GPR171: variants seen among roughly 807,000 people sequenced by gnomAD.
GPR171 encodes G protein-coupled receptor 171.
A neutral mutation model predicts 16.7 loss-of-function variants in GPR171; 14 were observed. The observed-to-expected ratio is 0.84, with a 90% CI of 0.55 to 1.31. GPR171 has a LOEUF of 1.31. Ranked by LOEUF, GPR171 falls within the 40% of genes most tolerant of loss-of-function variation. The pLI, the probability that GPR171 is intolerant of heterozygous loss-of-function variation, is 0.00. For missense variants in GPR171, 337 were observed against 378.9 expected, an observed-to-expected ratio of 0.89 and a Z score of 0.92; for synonymous variants, 134 against 135.6, an observed-to-expected ratio of 0.99 and a Z score of 0.08.
Position 151,198,300 on chromosome 3 carries a change from A to C in GPR171, c.*127T>G. The C allele has an allele frequency of 4.5e-6, 3 of 666,216 alleles. No homozygotes were observed. Among genetic ancestry groups the C allele is most frequent in the Non-Finnish European group, 7.0e-6 (3 of 426,628 alleles). The allele number at this position is 666,216 out of a possible 1,614,324, so 41.3% of individuals were successfully genotyped here. A position where few individuals can be genotyped will look rare whatever the true frequency, so the allele number is the denominator to read the frequency against. ...AGGATTTCTAAGTAAACCTGTCCATATTTGCTAGCTAACTGTATTTTTTCA... is the reference window on the plus strand; with the variant it reads ...AGGATTTCTAAGTAAACCTGTCCATCTTTGCTAGCTAACTGTATTTTTTCA... On this transcript the variant is annotated 3_prime_UTR_variant, in exon 3 of 3. Transcript: ENST00000309180.
At chr3:151,201,963 A>G (rs1340472610) in intron 1 of GPR171, among the ~76,000 whole-genome samples, 1 of 152,236 alleles carries the variant, frequency 6.6e-6, no homozygotes, top group East Asian at 1.9e-4. Context: ...TGAGACGTAT[A>G]TGGTAAAGAG....
Position 151,198,202 on chromosome 3 carries a change from G to GT in GPR171, c.*224dup, listed in dbSNP as rs1724938545. 7.6e-6 allele frequency: 3 copies of GT among 395,736 alleles called. No individual in the cohort carries two copies. The highest frequency in any genetic ancestry group is 4.5e-6 in the Non-Finnish European group (1 of 223,042). 24.5% of individuals were successfully genotyped at this position (395,736 alleles called of 1,614,324 possible). A position where few individuals can be genotyped will look rare whatever the true frequency, so the allele number is the denominator to read the frequency against. On this transcript the variant is annotated 3_prime_UTR_variant, in exon 3 of 3. Transcript: ENST00000309180. ...TACATTCGTTCAATGAGACTCTTTA[G>GT]TTTTTTGTACAAATATTTGGGTTAA...
chr3:151,200,221 C>T (rs3773616), intron 2 of GPR171, among the ~76,000 whole-genome samples: 6,339 of 152,166 alleles, frequency 0.042, 167 homozygotes, highest in Middle Eastern at 0.085. Flanking sequence ...CATGTCCCTC[C>T]CAAATCTGGA....
intron 2 of GPR171, among the ~76,000 whole-genome samples, chr3:151,200,675 C>T (rs1344513778): frequency 6.6e-6 from 1 of 152,062 alleles, no homozygotes; most frequent in Admixed American, 6.5e-5. Context: ...TCAAGTGCTG[C>T]TTAAAGGCTA....
In GPR171 at chr3:151,198,235, C is replaced by A. The variant is rs1388657549; in HGVS notation, c.*192G>T. Reference sequence around the variant, plus strand: ...TACAAATATTTGGGTTAATGAGTAGCAGCAAGCCTAACAATAAAGCTTGAC... The same window carrying A: ...TACAAATATTTGGGTTAATGAGTAGAAGCAAGCCTAACAATAAAGCTTGAC... On this transcript the variant is annotated 3_prime_UTR_variant, in exon 3 of 3. Transcript: ENST00000309180. 4.2e-6 allele frequency: 2 copies of A among 478,782 alleles called. No homozygotes were observed. Among genetic ancestry groups the A allele is most frequent in the African/African-American group, 2.0e-5 (1 of 51,192 alleles). The allele number at this position is 478,782 out of a possible 1,614,324, so 29.7% of individuals were successfully genotyped here.
Position 151,199,437 on chromosome 3 carries a change from ACT to A in GPR171, c.-53_-52del, listed in dbSNP as rs1185229544. The A allele has an allele frequency of 4.0e-6, 6 of 1,493,294 alleles. No homozygotes were observed. Among genetic ancestry groups the A allele is most frequent in the African/African-American group, 1.4e-5 (1 of 70,934 alleles). 92.5% of individuals were successfully genotyped at this position (1,493,294 alleles called of 1,614,324 possible). Reference sequence around the variant, plus strand: ...TTATTGAAAAGAAAAAATTTCTAAGACTCTGTAAAAGAAACAAGGAAAGGGAG... The same window carrying A: ...TTATTGAAAAGAAAAAATTTCTAAGACTGTAAAAGAAACAAGGAAAGGGAG... On this transcript the variant is annotated splice_region_variant and 5_prime_UTR_variant, in exon 3 of 3. Coordinates refer to ENST00000309180, the MANE Select transcript of GPR171 (RefSeq NM_013308.4).
chr3:151,199,520 C>T, intron 2 of GPR171, 81 bp from the exon 3 acceptor site: 1 of 727,600 alleles, frequency 1.4e-6, no homozygotes, highest in Non-Finnish European at 2.2e-6. Flanking sequence ...CTTCACAATA[C>T]CGTTGTCTTT....
intron 2 of GPR171, 24 bp from the exon 3 acceptor site, chr3:151,199,463 A>T (rs1200628154): frequency 2.8e-5 from 35 of 1,263,422 alleles, no homozygotes; most frequent in Non-Finnish European, 3.7e-5. Flanking sequence ...AAGGAAAGGG[A>T]GGTTAGTAAT....
chr3:151,203,009 G>T (rs1271820194), intron 1 of GPR171, 95 bp downstream of exon 1: 5 of 151,126 alleles, frequency 3.3e-5, no homozygotes, highest in African/African-American at 9.8e-5. Flanking sequence ...ATACAGCTTG[G>T]CTTTTTCTAC....
rs868342156 is a variant in GPR171, at chr3:151,198,696, C to T, written c.691G>A (p.Gly231Ser). 1.9e-6 allele frequency: 3 copies of T among 1,613,980 alleles called. No homozygotes were observed. The highest frequency in any genetic ancestry group is 2.5e-6 in the Non-Finnish European group (3 of 1,179,912). Reference sequence around the variant, plus strand: ...TAAGGAACAAAGCATATGATGTAGCCCGTGGTCACTAAAAGTATGTTGATG... The same window carrying T: ...TAAGGAACAAAGCATATGATGTAGCTCGTGGTCACTAAAAGTATGTTGATG... ...ALINILLVTT[G>S]YIICFVPYHI... Residue 231 changes from glycine to serine, a missense_variant, in exon 3 of 3, where the codon GGC becomes AGC. Transcript: ENST00000309180.
At position 151,198,436 on chromosome 3, in the gene GPR171, A is replaced by G. The variant is rs561174290; in HGVS notation, c.951T>C (p.Asn317=). The change falls in exon 3 of 3, where the codon AAT becomes AAC. Residue 317 remains asparagine, a synonymous_variant. Coordinates refer to ENST00000309180, the MANE Select transcript of GPR171 (RefSeq NM_013308.4). ...KAQKEKLRCE[N]NA Reference sequence around the variant, plus strand: ...CAAAAAATCCTGTCTTTTATGCATTATTTTCACATCTTAATTTTTCTTTCT... The same window carrying G: ...CAAAAAATCCTGTCTTTTATGCATTGTTTTCACATCTTAATTTTTCTTTCT... The G allele has an allele frequency of 6.2e-7, 1 of 1,601,298 alleles. No homozygotes were observed. The highest frequency in any genetic ancestry group is 1.1e-5 in the South Asian group (1 of 90,386).
At chr3:151,202,223 C>T (rs761800876) in intron 1 of GPR171, among the ~76,000 whole-genome samples, 5 of 152,210 alleles carry the variant, frequency 3.3e-5, no homozygotes, top group African/African-American at 4.8e-5. Context: ...ATCCTGTGTT[C>T]TGTGTCACAA....
At chr3:151,199,752 T>A (rs1295065965) in intron 2 of GPR171, among the ~76,000 whole-genome samples, 1 of 152,092 alleles carries the variant, frequency 6.6e-6, no homozygotes, top group Non-Finnish European at 1.5e-5. Flanking sequence ...AGGAGATAAG[T>A]GAACCGAGAT....
rs766785001 is a variant in GPR171 at position 151,199,256 on chromosome 3, G to A, written c.131C>T (p.Thr44Met). ...GTAGATGCTCACACACCTGTGATTC[G>A]TATTCTTCTGTATAAAAGCCCAGGT... ...FATWAFIQKN[T>M]NHRCVSIYLI... Residue 44 changes from threonine (T) to methionine (M), a missense_variant, in exon 3 of 3, where the codon ACG becomes ATG. Coordinates refer to ENST00000309180, the MANE Select transcript of GPR171 (RefSeq NM_013308.4). The A allele has an allele frequency of 2.5e-6, 4 of 1,613,832 alleles. No homozygotes were observed. Among genetic ancestry groups the A allele is most frequent in the South Asian group, 2.2e-5 (2 of 91,072 alleles).
chr3:151,201,244 C>CTG (rs1725540739), intron 1 of GPR171, among the ~76,000 whole-genome samples: 1 of 152,132 alleles, frequency 6.6e-6, no homozygotes, highest in Non-Finnish European at 1.5e-5. Context: ...CTCTCTCTCT[C>CTG]TCACACGCAC....
chr3:151,198,350 T>G lies in GPR171; in HGVS notation c.*77A>C. Reference sequence around the variant, plus strand: ...ATACTGAGTTTTTTTTTGTTTTTTTTTTTTTTATCTTTCAAAGCTATAATT... The same window carrying G: ...ATACTGAGTTTTTTTTTGTTTTTTTGTTTTTTATCTTTCAAAGCTATAATT... On this transcript the variant is annotated 3_prime_UTR_variant, in exon 3 of 3. Coordinates refer to ENST00000309180, the MANE Select transcript of GPR171 (RefSeq NM_013308.4). The G allele has an allele frequency of 7.3e-6, 8 of 1,093,214 alleles. No homozygotes were observed. The highest frequency in any genetic ancestry group is 2.7e-5 in the Admixed American group (1 of 36,830). The allele number at this position is 1,093,214 out of a possible 1,614,324, so 67.7% of individuals were successfully genotyped here.
Position 151,198,567 on chromosome 3 carries a change from C to G in GPR171, c.820G>C (p.Ala274Pro). ...GGATCAAAGCACAGGTTCGACACAG[C>G]CAGGAGCAGTGTAGCCTCTTTGGCT... is the stretch of plus-strand genomic sequence containing the variant. ...FKAKEATLLL[A>P]VSNLCFDPIL... The change falls in exon 3 of 3, where the codon GCT (alanine) becomes CCT (proline). Residue 274 changes from alanine to proline, a missense_variant. Ala to Pro is a conservative substitution (Grantham distance 27). Transcript: ENST00000309180. The G allele has an allele frequency of 6.2e-7, 1 of 1,614,028 alleles. No homozygotes were observed. The highest frequency in any genetic ancestry group is 1.3e-5 in the African/African-American group (1 of 75,020).
Position 151,198,737 on chromosome 3 carries a change from T to C in GPR171, c.650A>G (p.Asn217Ser). The C allele has an allele frequency of 3.7e-6, 6 of 1,613,298 alleles. No homozygotes were observed. The highest frequency in any genetic ancestry group is 5.1e-6 in the Non-Finnish European group (6 of 1,179,198). Reference protein sequence around the residue: ...YRNKDNENYPNVKKALINILL... With the variant: ...YRNKDNENYPSVKKALINILL... ...TATGTTGATGAGAGCCTTTTTCACA[T>C]TTGGGTAATTTTCATTATCTTTGTT... Residue 217 changes from asparagine to serine, a missense_variant, in exon 3 of 3, where the codon AAT becomes AGT. By Grantham distance (46) the Asn-to-Ser change is conservative (BLOSUM62 1). Coordinates refer to ENST00000309180, the MANE Select transcript of GPR171 (RefSeq NM_013308.4).
Position 151,199,301 on chromosome 3 carries a change from A to G in GPR171, c.86T>C (p.Ile29Thr), listed in dbSNP as rs750456669. Residue 29 changes from isoleucine to threonine, a missense_variant, in exon 3 of 3, where the codon ATT (isoleucine) becomes ACT (threonine). Coordinates refer to ENST00000309180, the MANE Select transcript of GPR171 (RefSeq NM_013308.4). ...YFFYLVFLVG[I>T]IGSCFATWAF... ...CCAGGTTGCAAAACAACTTCCAATA[A>G]TTCCAACAAGGAAAACTAAATAAAA... The G allele has an allele frequency of 6.2e-7, 1 of 1,613,908 alleles. No homozygotes were observed. The highest frequency in any genetic ancestry group is 8.5e-7 in the Non-Finnish European group (1 of 1,179,836).
Sources: gnomAD v4.1 joint callset for allele counts (sites outside exome capture counted in the v4.1 genomes callset) on GRCh38, gnomAD v4.1.1 for gene constraint, MANE v1.5 for transcripts, NCBI Gene and HGNC (gene_info 2026-07-23, HGNC 2026-07-21) for gene names.